Variants in CTNNAL1 observed in about 807,000 individuals in gnomAD.
CTNNAL1 encodes the protein alpha-catulin.
A neutral mutation model predicts 93.6 loss-of-function variants in CTNNAL1; 69 were observed. That is an observed-to-expected ratio of 0.74 (90% CI 0.61 to 0.90). The LOEUF is 0.90. Ranked by LOEUF, CTNNAL1 falls within the 40% of genes least tolerant of loss-of-function variation. CTNNAL1 has a pLI of 0.00. For missense variants in CTNNAL1, 836 were observed against 862.0 expected (o/e 0.97, Z 0.38); for synonymous variants, 286 against 305.4 (o/e 0.94, Z 0.66).
At chr9:108,974,652 A>C (rs1238986628) in intron 8 of CTNNAL1, among the ~76,000 whole-genome samples, 1 of 152,118 alleles carries the variant, frequency 6.6e-6, no homozygotes, top group East Asian at 1.9e-4. Flanking sequence ...TGAGCTTATA[A>C]TAGTGAGACC....
At chr9:108,953,052 T>C (rs568576788) in intron 12 of CTNNAL1, among the ~76,000 whole-genome samples, 81 of 152,340 alleles carry the variant, frequency 5.3e-4, no homozygotes, top group South Asian at 8.3e-4. Context: ...TCCCAAGTTA[T>C]AAAGAGATTA....
At position 108,975,719 on chromosome 9, in the gene CTNNAL1, T is replaced by C. The variant is rs536199823; in HGVS notation, c.1188+1243A>G. ...AAAGCAGGAATTGGTAAACTTTTTC[T>C]GTGAAGGGCCAGAGAGTAAATATTT... On this transcript the variant is annotated intron_variant, in intron 8 of 18. Transcript: ENST00000325551. 2.0e-5 allele frequency among the ~76,000 whole-genome samples: 3 copies of C among 152,336 alleles called. 1 individual carries two copies. Among genetic ancestry groups the C allele is most frequent in the African/African-American group, 7.2e-5 (3 of 41,580 alleles).
intron 8 of CTNNAL1, 31 bp from the exon 9 acceptor site, chr9:108,972,864 G>GGGGCCGCCCCCCC: frequency 7.0e-6 from 1 of 142,582 alleles, no homozygotes; most frequent in Non-Finnish European, 1.0e-5. Context: ...GGGGGGGTGG[G>GGGGCCGCCCCCCC]AGGGTGGAGA....
At chr9:108,964,976 C>T (rs1417694283) in intron 11 of CTNNAL1, among the ~76,000 whole-genome samples, 1 of 152,090 alleles carries the variant, frequency 6.6e-6, no homozygotes, top group Non-Finnish European at 1.5e-5. Flanking sequence ...GATTCTCGTG[C>T]CTCAGCCGTA....
intron 11 of CTNNAL1, 129 bp downstream of exon 11, chr9:108,965,249 T>C (rs28361152): frequency 0.25 from 179,428 of 704,488 alleles, 24,602 homozygotes; most frequent in Admixed American, 0.29. Flanking sequence ...TTGTGAACAA[T>C]ATTTTACTAC....
intron 1 of CTNNAL1, among the ~76,000 whole-genome samples, chr9:109,003,372 G>A (rs1166204461): frequency 6.6e-6 from 1 of 152,192 alleles, no homozygotes; most frequent in Non-Finnish European, 1.5e-5. Flanking sequence ...TGGACTAAAA[G>A]GGAATACATC....
chr9:108,945,987 G>A (rs1470351045), intron 15 of CTNNAL1, among the ~76,000 whole-genome samples: 31 of 152,060 alleles, frequency 2.0e-4, no homozygotes. Flanking sequence ...TGTTGGCCAA[G>A]CCAAAAACCT....
At chr9:108,948,501 C>T (rs1378848411) in intron 14 of CTNNAL1, among the ~76,000 whole-genome samples, 1 of 152,092 alleles carries the variant, frequency 6.6e-6, no homozygotes, top group Non-Finnish European at 1.5e-5. Flanking sequence ...TTCCATTTCT[C>T]TTTTTAACCT....
At chr9:108,972,864 G>GGGGGGCCCCCCCCCCCC in intron 8 of CTNNAL1, 31 bp from the exon 9 acceptor site, 34 of 142,292 alleles carry the variant, frequency 2.4e-4, no homozygotes, top group Non-Finnish European at 2.9e-4. Context: ...GGGGGGGTGG[G>GGGGGGCCCCCCCCCCCC]AGGGTGGAGA....
At chr9:108,954,389 C>T (rs1308531590) in intron 12 of CTNNAL1, among the ~76,000 whole-genome samples, 1 of 152,186 alleles carries the variant, frequency 6.6e-6, no homozygotes, top group African/African-American at 2.4e-5. Flanking sequence ...ATAAAAAATA[C>T]TATTCAGTTG....
rs755522660 is a variant in CTNNAL1, at chr9:108,972,798, T to C, written c.1224A>G (p.Leu408=). 5.2e-6 allele frequency: 8 copies of C among 1,529,698 alleles called. No homozygotes were observed. The Admixed American group carries it at 1.3e-4, about 25-fold the overall frequency. 94.8% of individuals were successfully genotyped at this position (1,529,698 alleles called of 1,614,324 possible). ...HSTATQLAAD[L]LKYHADHVVL... Reference sequence around the variant, plus strand: ...CCACATGATCAGCATGGTATTTTAATAGATCTGCTGCCAGCTGTGTCGCTG... The same window carrying C: ...CCACATGATCAGCATGGTATTTTAACAGATCTGCTGCCAGCTGTGTCGCTG... The change falls in exon 9 of 19, where the codon CTA becomes CTG. Residue 408 remains leucine (L), a synonymous_variant. Transcript: ENST00000325551.
chr9:108,947,729 A>G (rs1830446994), intron 15 of CTNNAL1, among the ~76,000 whole-genome samples: 1 of 152,210 alleles, frequency 6.6e-6, no homozygotes, highest in South Asian at 2.1e-4. Context: ...TACTGAAGGA[A>G]AGAAGGAAAC....
chr9:108,960,544 G>A (rs1325986225), intron 11 of CTNNAL1, among the ~76,000 whole-genome samples: 1 of 152,152 alleles, frequency 6.6e-6, no homozygotes, highest in African/African-American at 2.4e-5. Context: ...TTACAGAACT[G>A]AAAACCAAAT....
chr9:108,957,980 T>C (rs1394314450), intron 11 of CTNNAL1, among the ~76,000 whole-genome samples: 1 of 149,806 alleles, frequency 6.7e-6, no homozygotes, highest in Non-Finnish European at 1.5e-5. Flanking sequence ...TAGCCAGGCG[T>C]AGTGGTGCAT....
intron 9 of CTNNAL1, 51 bp from the exon 10 acceptor site, chr9:108,970,545 A>T: frequency 7.0e-7 from 1 of 1,435,608 alleles, no homozygotes; most frequent in African/African-American, 1.5e-5. Flanking sequence ...ATCCTCCACA[A>T]TACATAGTAT....
intron 6 of CTNNAL1, among the ~76,000 whole-genome samples, 169 bp downstream of exon 6, chr9:108,982,976 G>C (rs1487895478): frequency 6.6e-6 from 1 of 152,124 alleles, no homozygotes. Context: ...TACTTGGGAG[G>C]ATGAAGCACA....
chr9:108,943,035 A>G lies in CTNNAL1; in HGVS notation c.2065T>C (p.Cys689Arg). ...QNKVFLKVDKCITKTRSMMAL... is the reference protein window; with the variant it reads ...QNKVFLKVDKRITKTRSMMAL... Reference sequence around the variant, plus strand: ...ATCATGGATCTTGTCTTCGTAATACACTTGTCAACCTACAATGACAAAAAG... The same window carrying G: ...ATCATGGATCTTGTCTTCGTAATACGCTTGTCAACCTACAATGACAAAAAG... The change falls in exon 18 of 19, where the codon TGT becomes CGT. Residue 689 changes from cysteine to arginine, a missense_variant. Cys to Arg is a radical substitution (Grantham distance 180). Coordinates refer to ENST00000325551, the MANE Select transcript of CTNNAL1 (RefSeq NM_003798.4). 4 of 1,610,692 alleles carry G rather than the reference A, an allele frequency of 2.5e-6. No homozygotes were observed. The highest frequency in any genetic ancestry group is 3.4e-6 in the Non-Finnish European group (4 of 1,179,104).
In CTNNAL1 at chr9:109,008,337, A is replaced by C. The variant is rs547694697; in HGVS notation, c.141+4965T>G. Among the ~76,000 whole-genome samples, 199 of 151,844 alleles carry C rather than the reference A, an allele frequency of 1.3e-3. 1 individual carries two copies. The highest frequency in any genetic ancestry group is 4.4e-3 in the African/African-American group (181 of 41,422). On this transcript the variant is annotated intron_variant, in intron 1 of 18. Transcript: ENST00000325551. Reference sequence around the variant, plus strand: ...CACGCCAGCTAACTTTTGTATTTTTAGTAGAGACGGGGTTGGTCAGGCAGG... The same window carrying C: ...CACGCCAGCTAACTTTTGTATTTTTCGTAGAGACGGGGTTGGTCAGGCAGG...
At chr9:109,012,522 T>G (rs1001706944) in intron 1 of CTNNAL1, among the ~76,000 whole-genome samples, 1 of 152,184 alleles carries the variant, frequency 6.6e-6, no homozygotes, top group Non-Finnish European at 1.5e-5. Context: ...GCCCTGAAGC[T>G]GCATATAACC....
Sources: allele counts gnomAD v4.1 joint callset (sites outside exome capture counted in the v4.1 genomes callset), GRCh38; gene constraint gnomAD v4.1.1; transcripts MANE v1.5; gene names NCBI Gene and HGNC (gene_info 2026-07-23, HGNC 2026-07-21).